RILPL1: variants seen among roughly 807,000 people sequenced by gnomAD.
RILPL1 encodes the protein Rab interacting lysosomal protein like 1, also known as RILP-like protein 1.
RILPL1 carries 33 observed loss-of-function variants against 50.3 expected under a neutral mutation model. That is an observed-to-expected ratio of 0.66 (90% CI 0.50 to 0.88). The LOEUF (loss-of-function observed/expected upper bound fraction) is 0.88. Ranked by LOEUF, RILPL1 falls within the 40% of genes least tolerant of loss-of-function variation. RILPL1 has a pLI of 0.00. For synonymous variants in RILPL1, 205 were observed against 228.6 expected (o/e 0.90, Z 0.93); for missense variants, 418 against 542.5 (o/e 0.77, Z 2.28).
chr12:123,511,388 GGT>G (rs1884181159), intron 2 of RILPL1, among the ~76,000 whole-genome samples: 2 of 137,542 alleles, frequency 1.5e-5, no homozygotes, highest in South Asian at 2.5e-4. Context: ...CTGTGTGTGT[GGT>G]GTGTGAGGTC....
chr12:123,502,024 G>C (rs1363515985), intron 2 of RILPL1, among the ~76,000 whole-genome samples: 1 of 149,620 alleles, frequency 6.7e-6, no homozygotes, highest in Non-Finnish European at 1.5e-5. Context: ...AGGTTGTGGT[G>C]AGCTGAGATC....
rs372700247 is a variant in RILPL1, at chr12:123,513,114, CTGTG to C, written c.460+10377_460+10380del. On this transcript the variant is annotated intron_variant, in intron 2 of 6. Transcript: ENST00000376874. ...TGCGTGTATGTCTGTGTGGTGGCGT[CTGTG>C]TGTGTGTGGTGTGTGAGGTCCGTGT... Among the ~76,000 whole-genome samples, 10 of 127,462 alleles carry C rather than the reference CTGTG, an allele frequency of 7.8e-5. No individual in the cohort carries two copies. The East Asian group carries it at 7.9e-4, about 10-fold the overall frequency. 83.6% of individuals were successfully genotyped at this position (127,462 alleles called of 152,430 possible).
At chr12:123,511,626 G>GTA (rs1477383566) in intron 2 of RILPL1, among the ~76,000 whole-genome samples, 3 of 140,156 alleles carry the variant, frequency 2.1e-5, no homozygotes, top group Admixed American at 7.1e-5. Context: ...GTCTGTGTGT[G>GTA]GTGTGTGAGG....
In RILPL1 at chr12:123,472,538, T is replaced by G; in HGVS notation, c.1212A>C (p.Ter404CysextTer73). ...GTTGGAGGGTGGAGATGGGCCAAGGTCACAGATGCTGCAGGGCTTCCTGTC... is the reference window on the plus strand; with the variant it reads ...GTTGGAGGGTGGAGATGGGCCAAGGGCACAGATGCTGCAGGGCTTCCTGTC... ...EQGQEALQHL* is the reference protein window; with the variant it reads ...EQGQEALQHLC The change falls in exon 7 of 7, where the codon TGA (stop) becomes TGC (cysteine). Residue 404 changes from the stop codon to cysteine, a stop_lost. Transcript: ENST00000376874. 5 of 1,550,986 alleles carry G rather than the reference T, an allele frequency of 3.2e-6. No homozygotes were observed. Among genetic ancestry groups the G allele is most frequent in the Non-Finnish European group, 4.4e-6 (5 of 1,147,040 alleles).
intron 2 of RILPL1, among the ~76,000 whole-genome samples, chr12:123,501,696 G>C (rs1396126997): frequency 1.3e-5 from 2 of 148,504 alleles, no homozygotes; most frequent in Admixed American, 6.7e-5. Context: ...GGAGGCGGAG[G>C]TTGCAGTGAG....
chr12:123,483,656 T>C (rs982854055), intron 6 of RILPL1, among the ~76,000 whole-genome samples: 1 of 151,812 alleles, frequency 6.6e-6, no homozygotes, highest in Non-Finnish European at 1.5e-5. Context: ...AGGGACTAGG[T>C]CACTCTTTTT....
chr12:123,516,033 C>CAAAAAAAAA (rs749657516), intron 2 of RILPL1, among the ~76,000 whole-genome samples: 7 of 36,192 alleles, frequency 1.9e-4, no homozygotes, highest in African/African-American at 2.8e-4. Context: ...GACTCTGTCT[C>CAAAAAAAAA]AAAAAAAAAA....
At chr12:123,509,727 G>A (rs1281897042) in intron 2 of RILPL1, among the ~76,000 whole-genome samples, 5 of 152,296 alleles carry the variant, frequency 3.3e-5, no homozygotes, top group Admixed American at 6.5e-5. Context: ...CGTGGACGTC[G>A]TTTTCGTCAG....
intron 6 of RILPL1, among the ~76,000 whole-genome samples, chr12:123,478,670 C>A (rs888816325): frequency 2.6e-5 from 4 of 152,190 alleles, no homozygotes; most frequent in Admixed American, 2.0e-4. Flanking sequence ...GCCAACCTTT[C>A]CAGTCCTCGA....
At chr12:123,484,827 T>A in intron 5 of RILPL1, 1 of 254,600 alleles carries the variant, frequency 3.9e-6, no homozygotes, top group South Asian at 4.7e-5. Flanking sequence ...GGCTAATTTT[T>A]AAAAATTTTT....
intron 2 of RILPL1, among the ~76,000 whole-genome samples, chr12:123,510,906 TTG>T (rs1407352116): frequency 4.1e-5 from 4 of 98,620 alleles, no homozygotes; most frequent in Non-Finnish European, 8.3e-5. Flanking sequence ...TGTGTGTGTA[TTG>T]TGTGAGGTCT....
chr12:123,473,342 C>G (rs2139300558), intron 6 of RILPL1: 1 of 152,192 alleles, frequency 6.6e-6, no homozygotes, highest in Non-Finnish European at 1.5e-5. Context: ...TGGTGAAACC[C>G]CGTCTCTACT....
chr12:123,521,678 T>A (rs868274661), intron 2 of RILPL1, among the ~76,000 whole-genome samples: 2 of 33,898 alleles, frequency 5.9e-5, no homozygotes, highest in African/African-American at 1.1e-4. Flanking sequence ...TATAAATATA[T>A]ATATATACAC....
In RILPL1 at chr12:123,527,107, C is replaced by T. The variant is rs1412659209; in HGVS notation, c.310-3462G>A. 5.9e-5 allele frequency among the ~76,000 whole-genome samples: 9 copies of T among 152,078 alleles called. 1 individual carries two copies. The East Asian group carries it at 1.7e-3, about 29-fold the overall frequency. ...GTAATTTAGGAGGCTGAGGTGGGAGCATTGATTTAGGCTAGGAGTTTGAGA... is the reference window on the plus strand; with the variant it reads ...GTAATTTAGGAGGCTGAGGTGGGAGTATTGATTTAGGCTAGGAGTTTGAGA... On this transcript the variant is annotated intron_variant, in intron 1 of 6. Transcript: ENST00000376874.
chr12:123,479,420 G>A (rs1460577621), intron 6 of RILPL1, among the ~76,000 whole-genome samples: 1 of 152,150 alleles, frequency 6.6e-6, no homozygotes, highest in Non-Finnish European at 1.5e-5. Flanking sequence ...ATACTCCCTG[G>A]AGGAAGGACG....
At chr12:123,490,379 C>G (rs1420299376) in intron 4 of RILPL1, among the ~76,000 whole-genome samples, 1 of 152,142 alleles carries the variant, frequency 6.6e-6, no homozygotes, top group East Asian at 1.9e-4. Context: ...CACCCAGGTA[C>G]CTGGGGATTT....
At chr12:123,475,777 A>T (rs1167182937) in intron 6 of RILPL1, 1 of 1,449,862 alleles carries the variant, frequency 6.9e-7, no homozygotes, top group East Asian at 2.3e-5. Flanking sequence ...AGATAGACAC[A>T]GAGAAGATAA....
At chr12:123,530,268 C>T (rs569833391) in intron 1 of RILPL1, among the ~76,000 whole-genome samples, 14 of 152,224 alleles carry the variant, frequency 9.2e-5, no homozygotes, top group East Asian at 1.9e-4. Context: ...CGGGTTCAAG[C>T]GATTCTCCTG....
At chr12:123,488,315 C>G (rs1231981919) in intron 4 of RILPL1, among the ~76,000 whole-genome samples, 1 of 135,942 alleles carries the variant, frequency 7.4e-6, no homozygotes. Flanking sequence ...GTGGCTTGCC[C>G]CTGTAGTCCC....
Sources: gnomAD v4.1 joint callset for allele counts (sites outside exome capture counted in the v4.1 genomes callset) on GRCh38, gnomAD v4.1.1 for gene constraint, MANE v1.5 for transcripts, NCBI Gene and HGNC (gene_info 2026-07-23, HGNC 2026-07-21) for gene names.